Variants in RALGPS2 observed in about 807,000 individuals in gnomAD.
RALGPS2 encodes the protein ras-specific guanine nucleotide-releasing factor RalGPS2.
In RALGPS2, 43 loss-of-function variants were observed where a neutral mutation model predicts 86.8. The ratio of observed to expected loss-of-function variants is 0.50; its 90% CI spans 0.39 to 0.64. RALGPS2 has a LOEUF of 0.64. Among genes scored for constraint, RALGPS2 ranks in the 30% least tolerant of loss-of-function variants. RALGPS2 has a pLI of 0.00. For missense variants in RALGPS2, 536 were observed against 694.6 expected (o/e 0.77, Z 2.57); for synonymous variants, 243 against 231.3 (o/e 1.05, Z -0.46).
chr1:178,853,577 C>G, intron 8 of RALGPS2: 1 of 1,569,636 alleles, frequency 6.4e-7, no homozygotes. Flanking sequence ...TCCCTTAGGT[C>G]TGCATCACTG....
At chr1:178,886,870 A>G (rs1659506825) in intron 13 of RALGPS2, among the ~76,000 whole-genome samples, 1 of 152,336 alleles carries the variant, frequency 6.6e-6, no homozygotes, top group African/African-American at 2.4e-5. Flanking sequence ...ATGCAGAACA[A>G]GAGAGCTAAG....
At chr1:178,746,786 C>A (rs1651354176) in intron 1 of RALGPS2, 1 of 924,336 alleles carries the variant, frequency 1.1e-6, no homozygotes, top group East Asian at 2.4e-5. Flanking sequence ...TCTGTCCTCT[C>A]ACATACGTTT....
At chr1:178,853,195 A>G (rs1657296852) in intron 8 of RALGPS2, 1 of 985,254 alleles carries the variant, frequency 1.0e-6, no homozygotes, top group Non-Finnish European at 1.2e-6. Context: ...AAATCCTACA[A>G]ATAAGACAAT....
At chr1:178,877,808 G>GT (rs1180895141) in intron 9 of RALGPS2, among the ~76,000 whole-genome samples, 173 bp downstream of exon 9, 1 of 151,928 alleles carries the variant, frequency 6.6e-6, no homozygotes, top group African/African-American at 2.4e-5. Flanking sequence ...GTAGCATCCT[G>GT]TTTAAGATCT....
At chr1:178,783,418 G>A (rs1653491356) in intron 2 of RALGPS2, among the ~76,000 whole-genome samples, 1 of 152,138 alleles carries the variant, frequency 6.6e-6, no homozygotes, top group African/African-American at 2.4e-5. Context: ...ACACCAGAAA[G>A]ACAAGAGAAA....
In RALGPS2 at chr1:178,821,715, T is replaced by G. The variant is rs1361750480; in HGVS notation, c.480+11T>G. On this transcript the variant is annotated intron_variant, in intron 7 of 19. Coordinates refer to ENST00000367635, the MANE Select transcript of RALGPS2 (RefSeq NM_152663.5). ...ACTAAAACATGGGCGGTGAGTAATATTCTTTAGTTAATGAAAGGTTAGACT... is the reference window on the plus strand; with the variant it reads ...ACTAAAACATGGGCGGTGAGTAATAGTCTTTAGTTAATGAAAGGTTAGACT... The G allele has an allele frequency of 1.3e-6, 2 of 1,586,918 alleles. No individual in the cohort carries two copies. Among genetic ancestry groups the G allele is most frequent in the Non-Finnish European group, 1.7e-6 (2 of 1,157,306 alleles).
intron 1 of RALGPS2, among the ~76,000 whole-genome samples, chr1:178,757,204 C>T (rs893728222): frequency 9.9e-5 from 15 of 152,026 alleles, no homozygotes; most frequent in South Asian, 8.3e-4. Flanking sequence ...AGCCCGTTTG[C>T]GGTCTTTAGG....
At position 178,744,764 on chromosome 1, in the gene RALGPS2, G is replaced by A. The variant is rs141547640; in HGVS notation, c.-84+19345G>A. ...ACTGGGAGGGCAGAGGGTGCAGTGAGCCGAGATCGCACCACTGTACTCCAG... is the reference window on the plus strand; with the variant it reads ...ACTGGGAGGGCAGAGGGTGCAGTGAACCGAGATCGCACCACTGTACTCCAG... On this transcript the variant is annotated intron_variant, in intron 1 of 19. Coordinates refer to ENST00000367635, the MANE Select transcript of RALGPS2 (RefSeq NM_152663.5). Among the ~76,000 whole-genome samples the A allele has an allele frequency of 6.0e-3, 879 of 147,132 alleles. 10 individuals are homozygous for A. The highest frequency in any genetic ancestry group is 0.021 in the African/African-American group (840 of 39,142).
chr1:178,742,109 C>T (rs1651063099), intron 1 of RALGPS2, among the ~76,000 whole-genome samples: 2 of 143,684 alleles, frequency 1.4e-5, no homozygotes, highest in South Asian at 2.2e-4. Context: ...GCACTCCAGC[C>T]TGGCAACAGA....
chr1:178,893,548 A>G (rs969064083), intron 15 of RALGPS2, among the ~76,000 whole-genome samples: 3 of 151,402 alleles, frequency 2.0e-5, no homozygotes, highest in African/African-American at 7.3e-5. Flanking sequence ...ACCAGGACTT[A>G]AAGTTTCTAT....
At chr1:178,835,266 T>C (rs1398335281) in intron 8 of RALGPS2, among the ~76,000 whole-genome samples, 1 of 152,242 alleles carries the variant, frequency 6.6e-6, no homozygotes, top group Non-Finnish European at 1.5e-5. Flanking sequence ...CTACAGTCCT[T>C]ATTTTTCAAG....
Position 178,735,436 on chromosome 1 carries a change from T to C in RALGPS2, c.-84+10017T>C, listed in dbSNP as rs530735462. On this transcript the variant is annotated intron_variant, in intron 1 of 19. Transcript: ENST00000367635. ...CTATATTTTCTTTTTCTTTTCTTTT[T>C]TTTTTTTTTTTGATGCTGTAGCCCA... 6.1e-3 allele frequency among the ~76,000 whole-genome samples: 918 copies of C among 149,832 alleles called. 10 individuals are homozygous for C. Among genetic ancestry groups the C allele is most frequent in the African/African-American group, 0.021 (873 of 41,060 alleles).
At chr1:178,763,203 G>T (rs1355330282) in intron 1 of RALGPS2, among the ~76,000 whole-genome samples, 1 of 152,114 alleles carries the variant, frequency 6.6e-6, no homozygotes, top group Non-Finnish European at 1.5e-5. Context: ...GTTGGTTTGT[G>T]TGCCTGTTTT....
At chr1:178,827,561 A>AT (rs1234391445) in intron 7 of RALGPS2, among the ~76,000 whole-genome samples, 63 of 151,532 alleles carry the variant, frequency 4.2e-4, no homozygotes, top group Non-Finnish European at 6.6e-4. Context: ...CGCCCGGCTA[A>AT]TTTTTTGTAT....
chr1:178,791,184 G>C (rs1653933995), intron 4 of RALGPS2, among the ~76,000 whole-genome samples: 1 of 152,010 alleles, frequency 6.6e-6, no homozygotes, highest in African/African-American at 2.4e-5. Flanking sequence ...GCAGTGGCAT[G>C]ATCACGGCCC....
At chr1:178,815,069 TG>T (rs1202401215) in intron 6 of RALGPS2, among the ~76,000 whole-genome samples, 1 of 151,472 alleles carries the variant, frequency 6.6e-6, no homozygotes, top group Non-Finnish European at 1.5e-5. Flanking sequence ...TTGGTTTTTT[TG>T]TTTGTTTGTT....
chr1:178,740,532 A>G (rs1650962585), intron 1 of RALGPS2, among the ~76,000 whole-genome samples: 1 of 152,194 alleles, frequency 6.6e-6, no homozygotes, highest in Admixed American at 6.5e-5. Flanking sequence ...ACTAAAGTTT[A>G]AGGGAATGGA....
At chr1:178,833,382 T>G in intron 7 of RALGPS2, 42 bp from the exon 8 acceptor site, 379 of 1,442,748 alleles carry the variant, frequency 2.6e-4, no homozygotes, top group Non-Finnish European at 3.0e-4. Context: ...TACAATAAAA[T>G]GAGATTTGTA....
rs1282944176 is a variant in RALGPS2 at position 178,743,909 on chromosome 1, A to T, written c.-84+18490A>T. On this transcript the variant is annotated intron_variant, in intron 1 of 19. Transcript: ENST00000367635. ...ATAAACTTCAGACCCAGATGACTTC[A>T]CAAGTAAATTCTGTTAAACGTTTAA... 2.0e-5 allele frequency among the ~76,000 whole-genome samples: 3 copies of T among 152,196 alleles called. No individual in the cohort carries two copies. The East Asian group carries it at 5.8e-4, about 29-fold the overall frequency.
Sources: gnomAD v4.1 joint callset for allele counts (sites outside exome capture counted in the v4.1 genomes callset) on GRCh38, gnomAD v4.1.1 for gene constraint, MANE v1.5 for transcripts, NCBI Gene and HGNC (gene_info 2026-07-23, HGNC 2026-07-21) for gene names.